ZNF385D: variants seen among roughly 807,000 people sequenced by gnomAD.
The protein encoded by ZNF385D is zinc finger protein 659.
ZNF385D carries 15 observed loss-of-function variants against 35.8 expected under a neutral mutation model. That is an observed-to-expected ratio of 0.42 (90% CI 0.28 to 0.64). ZNF385D has a LOEUF of 0.64. ZNF385D is among the 30% of genes least tolerant of loss of function. The pLI is 0.23. For synonymous variants in ZNF385D, 212 were observed against 186.8 expected (o/e 1.13, Z -1.10); for missense variants, 474 against 494.6 (o/e 0.96, Z 0.39).
At chr3:21,952,446 C>T (rs1383093802) in intron 3 of ZNF385D, among the ~76,000 whole-genome samples, 1 of 152,030 alleles carries the variant, frequency 6.6e-6, no homozygotes, top group East Asian at 1.9e-4. Flanking sequence ...TTTTAAGCCA[C>T]AACCTGATAT....
Position 22,140,080 on chromosome 3 carries a change from C to T in ZNF385D, c.325+28737G>A, listed in dbSNP as rs376806151. Among the ~76,000 whole-genome samples, 249 of 152,254 alleles carry T rather than the reference C, an allele frequency of 1.6e-3. 1 individual carries two copies. The highest frequency in any genetic ancestry group is 0.013 in the South Asian group (64 of 4,824). ...AGCTAAACATATATTACCACCCAAC[C>T]CATCAATTTCATTCCTAAATATCCT... On this transcript the variant is annotated intron_variant, in intron 3 of 5. Transcript: ENST00000494108.
At chr3:22,230,836 C>T (rs1012243021) in intron 2 of ZNF385D, among the ~76,000 whole-genome samples, 1 of 151,924 alleles carries the variant, frequency 6.6e-6, no homozygotes, top group African/African-American at 2.4e-5. Context: ...GCTTGCAGTG[C>T]CATGGAAAAG....
At chr3:21,978,952 TA>T (rs1322584542) in intron 3 of ZNF385D, among the ~76,000 whole-genome samples, 1 of 152,200 alleles carries the variant, frequency 6.6e-6, no homozygotes, top group Non-Finnish European at 1.5e-5. Context: ...TATTAATATC[TA>T]AAATTGGAAA....
chr3:21,853,430 T>A (rs1467104867), intron 3 of ZNF385D, among the ~76,000 whole-genome samples: 1 of 151,718 alleles, frequency 6.6e-6, no homozygotes, highest in East Asian at 1.9e-4. Context: ...ATGATGGTGA[T>A]CAAGGTCATT....
intron 3 of ZNF385D, among the ~76,000 whole-genome samples, chr3:21,537,291 C>T (rs558727631): frequency 2.0e-5 from 3 of 151,740 alleles, no homozygotes; most frequent in African/African-American, 7.2e-5. Flanking sequence ...TGCCACCACA[C>T]CTGGCTATTT....
chr3:22,182,071 C>T (rs1695318411), intron 2 of ZNF385D, among the ~76,000 whole-genome samples: 1 of 152,122 alleles, frequency 6.6e-6, no homozygotes, highest in African/African-American at 2.4e-5. Context: ...TTATTGTAGC[C>T]TGGAAGAAGT....
intron 2 of ZNF385D, among the ~76,000 whole-genome samples, chr3:22,177,380 A>G (rs1250641206): frequency 6.6e-6 from 1 of 152,200 alleles, no homozygotes; most frequent in African/African-American, 2.4e-5. Context: ...GTTCTTATGT[A>G]TATCTGGTGA....
intron 3 of ZNF385D, among the ~76,000 whole-genome samples, chr3:21,965,703 T>G (rs769022653): frequency 3.1e-4 from 47 of 152,210 alleles, no homozygotes; most frequent in Non-Finnish European, 6.0e-4. Flanking sequence ...TTGGCAATGT[T>G]ATATCAACAT....
intron 3 of ZNF385D, among the ~76,000 whole-genome samples, chr3:22,153,011 G>A (rs1192450605): frequency 1.3e-5 from 2 of 152,116 alleles, no homozygotes; most frequent in Non-Finnish European, 2.9e-5. Context: ...GTGCCATGGT[G>A]AAAAATAGGG....
intron 5 of ZNF385D, among the ~76,000 whole-genome samples, chr3:21,426,382 C>T (rs1005262620): frequency 6.6e-6 from 1 of 152,134 alleles, no homozygotes. Flanking sequence ...AAACAAATAA[C>T]ATCTTCAGGC....
At chr3:22,107,286 G>A (rs1373294829) in intron 3 of ZNF385D, among the ~76,000 whole-genome samples, 2 of 151,894 alleles carry the variant, frequency 1.3e-5, no homozygotes, top group Non-Finnish European at 2.9e-5. Context: ...GCCTCCCAAA[G>A]TGCTGGGATT....
chr3:21,881,065 A>G (rs1028591962), intron 3 of ZNF385D, among the ~76,000 whole-genome samples: 1 of 152,014 alleles, frequency 6.6e-6, no homozygotes, highest in Non-Finnish European at 1.5e-5. Flanking sequence ...CCATGTTCAT[A>G]ACATAAAAAT....
At chr3:22,285,640 T>C (rs1028770302) in intron 2 of ZNF385D, among the ~76,000 whole-genome samples, 3 of 152,118 alleles carry the variant, frequency 2.0e-5, no homozygotes, top group African/African-American at 7.2e-5. Context: ...CATCAACTCA[T>C]CATTTAACAT....
intron 3 of ZNF385D, among the ~76,000 whole-genome samples, chr3:21,879,845 A>G (rs1324886348): frequency 1.3e-5 from 2 of 151,978 alleles, no homozygotes; most frequent in African/African-American, 4.8e-5. Context: ...AATGAATAGG[A>G]GAAAAGCGTG....
intron 3 of ZNF385D, among the ~76,000 whole-genome samples, chr3:22,064,900 T>C (rs1034278133): frequency 6.6e-6 from 1 of 152,212 alleles, no homozygotes; most frequent in Admixed American, 6.5e-5. Flanking sequence ...AACAATGCAT[T>C]GTATATTTAA....
intron 4 of ZNF385D, among the ~76,000 whole-genome samples, chr3:21,480,927 T>A (rs1264728514): frequency 6.6e-6 from 1 of 152,226 alleles, no homozygotes; most frequent in African/African-American, 2.4e-5. Context: ...GAATTTTACT[T>A]TAAGAAAGTA....
chr3:21,918,227 G>C (rs1380997750), intron 3 of ZNF385D, among the ~76,000 whole-genome samples: 2 of 152,208 alleles, frequency 1.3e-5, no homozygotes, highest in East Asian at 3.9e-4. Flanking sequence ...TATGGTCTAT[G>C]CTCAGACAGT....
intron 3 of ZNF385D, among the ~76,000 whole-genome samples, chr3:21,769,015 CTCT>C (rs2070959001): frequency 6.6e-6 from 1 of 151,946 alleles, no homozygotes; most frequent in Non-Finnish European, 1.5e-5. Flanking sequence ...TTATAAATAG[CTCT>C]TATTATTTTT....
intron 3 of ZNF385D, among the ~76,000 whole-genome samples, chr3:22,017,574 C>A (rs1696969657): frequency 6.6e-6 from 1 of 151,672 alleles, no homozygotes; most frequent in Admixed American, 6.6e-5. Flanking sequence ...TTCATTGCTT[C>A]CTTCCTTATT....
Sources: allele counts gnomAD v4.1 joint callset (sites outside exome capture counted in the v4.1 genomes callset), GRCh38; gene constraint gnomAD v4.1.1; transcripts MANE v1.5; gene names NCBI Gene and HGNC (gene_info 2026-07-23, HGNC 2026-07-21).